MED23: variants seen among roughly 807,000 people sequenced by gnomAD.
MED23 encodes the protein mediator complex subunit 23.
Under a neutral mutation model 163.9 loss-of-function variants are expected in MED23, and 105 were observed. The ratio of observed to expected loss-of-function variants is 0.64; its 90% CI spans 0.55 to 0.75. The LOEUF (loss-of-function observed/expected upper bound fraction) is 0.75, where lower values mean the gene tolerates loss of function less well. Ranked by LOEUF, MED23 falls within the 30% of genes least tolerant of loss-of-function variation. The pLI, the probability that MED23 is intolerant of heterozygous loss-of-function variation, is 0.00. For missense variants in MED23, 1,054 were observed against 1,649.0 expected, an observed-to-expected ratio of 0.64 and a Z score of 6.25; for synonymous variants, 561 against 565.6, an observed-to-expected ratio of 0.99 and a Z score of 0.12.
chr6:131,583,544 T>C (rs1205125521), downstream of MED23: 14 of 1,534,800 alleles, frequency 9.1e-6, no homozygotes, highest in Admixed American at 2.4e-4. Flanking sequence ...GACTAATATA[T>C]ATTTATACCT....
chr6:131,584,334 A>G (rs1414052623), downstream of MED23: 1 of 186,260 alleles, frequency 5.4e-6, no homozygotes, highest in Non-Finnish European at 1.1e-5. Context: ...ACAAGATTAT[A>G]TTGTGTCTAC....
At chr6:131,596,211 T>C in intron 21 of MED23, 48 bp from the exon 22 acceptor site, 1 of 1,543,474 alleles carries the variant, frequency 6.5e-7, no homozygotes, top group Non-Finnish European at 9.0e-7. Context: ...TTTTAAAAAA[T>C]TCTCTTAAAA....
chr6:131,596,214 T>C (rs769507979), intron 21 of MED23, 51 bp from the exon 22 acceptor site: 5 of 1,498,390 alleles, frequency 3.3e-6, no homozygotes, highest in Non-Finnish European at 4.6e-6. Context: ...TAAAAAATTC[T>C]CTTAAAAGAG....
chr6:131,604,233 G>A lies in MED23; in HGVS notation c.1701C>T (p.Tyr567=), dbSNP rs1775692299. Residue 567 remains tyrosine (Y), a synonymous_variant, in exon 15 of 29, where the codon TAC becomes TAT. Transcript: ENST00000368068. The part of the protein sequence containing the change: ...VALAPALVET[Y]SRLLVYMEIE... ...TTTCCATATAGACCAATAAACGACT[G>A]TAAGTTTCCACTAGGGCTGGAGCCA... 11 of 1,613,690 alleles carry A rather than the reference G, an allele frequency of 6.8e-6. No homozygotes were observed. The highest frequency in any genetic ancestry group is 3.3e-5 in the South Asian group (3 of 91,088).
intron 17 of MED23, 109 bp from the exon 18 acceptor site, chr6:131,600,271 G>T: frequency 9.4e-7 from 1 of 1,069,470 alleles, no homozygotes; most frequent in Non-Finnish European, 1.4e-6. Flanking sequence ...TCACTGCAGT[G>T]CATTCACTGC....
rs947238657 is a variant in MED23 at position 131,586,938 on chromosome 6, C to T, written c.*741G>A. On this transcript the variant is annotated 3_prime_UTR_variant, in exon 29 of 29. Transcript: ENST00000368068. ...TCATCTGTCAGGTGAGAGTGTCAAC[C>T]TGCAAAAGCAATTAACTTATTTTTA... The T allele has an allele frequency of 8.1e-6, 12 of 1,482,944 alleles. No individual in the cohort carries two copies. In the Admixed American group the frequency reaches 2.1e-4, roughly 26 times the overall value. 91.9% of individuals were successfully genotyped at this position (1,482,944 alleles called of 1,614,324 possible).
At chr6:131,586,244 CA>C (rs1262576939), downstream of MED23, among the ~76,000 whole-genome samples, 1 of 151,654 alleles carries the variant, frequency 6.6e-6, no homozygotes, top group African/African-American at 2.4e-5. Flanking sequence ...ACTAAAAATA[CA>C]AAAAATTAGC....
intron 10 of MED23, 115 bp downstream of exon 10, chr6:131,615,791 TA>T: frequency 1.3e-6 from 1 of 741,794 alleles, no homozygotes; most frequent in Non-Finnish European, 2.4e-6. Flanking sequence ...TGTATATTTT[TA>T]AAAGTCACTA....
At chr6:131,605,628 T>C in intron 13 of MED23, 143 bp from the exon 14 acceptor site, 1 of 807,778 alleles carries the variant, frequency 1.2e-6, no homozygotes, top group South Asian at 2.1e-5. Flanking sequence ...CTGTGTGAAA[T>C]GTACAGTGGG....
In MED23 at chr6:131,598,558, A is replaced by G. The variant is rs1257800934; in HGVS notation, c.2424T>C (p.Tyr808=). 2.5e-6 allele frequency: 4 copies of G among 1,613,982 alleles called. No homozygotes were observed. Among genetic ancestry groups the G allele is most frequent in the South Asian group, 1.1e-5 (1 of 91,086 alleles). The change falls in exon 19 of 29, where the codon TAT becomes TAC. Residue 808 remains tyrosine, a splice_region_variant and synonymous_variant. Coordinates refer to ENST00000368068, the MANE Select transcript of MED23 (RefSeq NM_004830.4). This position sits in a 1 kb window ranked among gnomAD's most constrained non-coding sequence, Gnocchi z 4.7. The part of the protein sequence containing the change: ...LETDHINQIG[Y]RVLERIGARA... ...TGCAAATTAGGTTTTTGACTTACCT[A>G]TAGCCAATCTGATTAATATGATCTG...
chr6:131,584,363 AACACACACACAC>A (rs3138772), downstream of MED23: 123 of 158,408 alleles, frequency 7.8e-4, no homozygotes, highest in Non-Finnish European at 1.4e-3. Context: ...AAATACATGC[AACACACACACAC>A]ACACACACAC....
chr6:131,598,705 A>AT lies in MED23; in HGVS notation c.2276dup (p.Asn759LysfsTer7), dbSNP rs765921048. 2 of 1,613,606 alleles carry AT rather than the reference A, an allele frequency of 1.2e-6. No individual in the cohort carries two copies. The highest frequency in any genetic ancestry group is 2.2e-5 in the East Asian group (1 of 44,852). ...TCCACTTCCTATACTCCTCCTCCAC[A>AT]TTTTTTTTCAGATTAAAACGGCTTT... On this transcript the variant is annotated frameshift_variant, in exon 19 of 29. Transcript: ENST00000368068. LOFTEE classifies it high-confidence loss of function. The surrounding 1 kb of genome is among the most constrained non-coding windows in gnomAD (Gnocchi z 4.7).
At position 131,596,528 on chromosome 6, in the gene MED23, T is replaced by C; in HGVS notation, c.2768A>G (p.Asn923Ser). 1 of 1,614,176 alleles carries C rather than the reference T, an allele frequency of 6.2e-7. No individual in the cohort carries two copies. The highest frequency in any genetic ancestry group is 1.3e-5 in the African/African-American group (1 of 75,060). The change falls in exon 21 of 29, where the codon AAT becomes AGT. Residue 923 changes from asparagine to serine, a missense_variant. Asn to Ser is a conservative substitution (Grantham distance 46). Around this residue, in one of 11 missense-constraint regions of MED23, gnomAD observed 228 missense variants for 461.3 expected, o/e 0.49. Transcript: ENST00000368068. ...LQNDWHTKHM[N>S]YHKKYPEKLY... ...AATTAGGACTAGTACCTTGTGATAATTCATGTGCTTGGTGTGCCAGTCATT... is the reference window on the plus strand; with the variant it reads ...AATTAGGACTAGTACCTTGTGATAACTCATGTGCTTGGTGTGCCAGTCATT...
chr6:131,586,912 A>G lies in MED23; in HGVS notation c.*767T>C, dbSNP rs1774219044. ...AAGATTATAAAAATTGAAGAATTAC[A>G]TCATCTGTCAGGTGAGAGTGTCAAC... On this transcript the variant is annotated 3_prime_UTR_variant, in exon 29 of 29. Coordinates refer to ENST00000368068, the MANE Select transcript of MED23 (RefSeq NM_004830.4). The G allele has an allele frequency of 6.9e-7, 1 of 1,456,138 alleles. No homozygotes were observed. Among genetic ancestry groups the G allele is most frequent in the Non-Finnish European group, 9.3e-7 (1 of 1,076,284 alleles). 90.2% of individuals were successfully genotyped at this position (1,456,138 alleles called of 1,614,324 possible).
chr6:131,585,853 C>T (rs1464960790), downstream of MED23, among the ~76,000 whole-genome samples: 2 of 152,112 alleles, frequency 1.3e-5, no homozygotes, highest in African/African-American at 4.8e-5. Context: ...AAATTATATT[C>T]CCATGTTTTT....
Position 131,621,938 on chromosome 6 carries a change from C to A in MED23, c.438G>T (p.Leu146Phe). The change falls in exon 6 of 29, where the codon TTG (leucine) becomes TTT (phenylalanine). Residue 146 changes from leucine to phenylalanine, a missense_variant. Leu to Phe is a conservative substitution (Grantham distance 22, BLOSUM62 0). Coordinates refer to ENST00000368068, the MANE Select transcript of MED23 (RefSeq NM_004830.4). Reference protein sequence around the residue: ...DLLKVILEKILTIPNTVSSAV... With the variant: ...DLLKVILEKIFTIPNTVSSAV... Reference sequence around the variant, plus strand: ...CAGAGCTCACTGTATTAGGAATTGTCAAAATCTTCTCCAAAATCACTTTTA... The same window carrying A: ...CAGAGCTCACTGTATTAGGAATTGTAAAAATCTTCTCCAAAATCACTTTTA... 1 of 1,613,750 alleles carries A rather than the reference C, an allele frequency of 6.2e-7. No individual in the cohort carries two copies. Among genetic ancestry groups the A allele is most frequent in the South Asian group, 1.1e-5 (1 of 91,048 alleles).
chr6:131,598,238 C>T lies in MED23; in HGVS notation c.2607+49G>A. The stretch of plus-strand genomic sequence containing the variant: ...GCAGATTGGCATAACATATATTAGT[C>T]ATACATCTTGATCTAAGAGAATAAG... On this transcript the variant is annotated intron_variant, in intron 20 of 28. Transcript: ENST00000368068. This position sits in a 1 kb window ranked among gnomAD's most constrained non-coding sequence, Gnocchi z 4.7. 3 of 1,532,206 alleles carry T rather than the reference C, an allele frequency of 2.0e-6. No homozygotes were observed. The highest frequency in any genetic ancestry group is 1.4e-5 in the African/African-American group (1 of 73,388). The allele number at this position is 1,532,206 out of a possible 1,614,324, so 94.9% of individuals were successfully genotyped here. A position where few individuals can be genotyped will look rare whatever the true frequency, so the allele number is the denominator to read the frequency against.
chr6:131,576,964 C>T (rs1306006889), intron 30 of MED23, among the ~76,000 whole-genome samples: 1 of 151,606 alleles, frequency 6.6e-6, no homozygotes, highest in Non-Finnish European at 1.5e-5. Flanking sequence ...AGCCAAACTA[C>T]AGTATAAGAT....
At chr6:131,624,091 C>A (rs1777311680) in intron 4 of MED23, among the ~76,000 whole-genome samples, 1 of 152,162 alleles carries the variant, frequency 6.6e-6, no homozygotes, top group South Asian at 2.1e-4. Flanking sequence ...CCATCTATCA[C>A]CTTGTGGTAC....
Sources: allele counts gnomAD v4.1 joint callset (sites outside exome capture counted in the v4.1 genomes callset), GRCh38; gene constraint gnomAD v4.1.1; regional missense constraint gnomAD v4.1.1; non-coding constraint Gnocchi (gnomAD v3.1); transcripts MANE v1.5; gene names NCBI Gene and HGNC (gene_info 2026-07-23, HGNC 2026-07-21).